PROS1: variants seen among roughly 807,000 people sequenced by gnomAD.
The protein encoded by PROS1 is vitamin K-dependent protein S.
Under a neutral mutation model 75.9 loss-of-function variants are expected in PROS1, and 29 were observed. That is an observed-to-expected ratio of 0.38 (90% CI 0.28 to 0.52). The LOEUF (loss-of-function observed/expected upper bound fraction) is 0.52, where lower values mean the gene tolerates loss of function less well. PROS1 is among the 20% of genes least tolerant of loss of function. PROS1 has a pLI of 0.83. For synonymous variants in PROS1, 245 were observed against 280.6 expected (o/e 0.87, Z 1.27); for missense variants, 680 against 810.3 (o/e 0.84, Z 1.95).
chr3:93,967,082 C>T (rs954785801), intron 1 of PROS1, among the ~76,000 whole-genome samples: 42 of 152,176 alleles, frequency 2.8e-4, no homozygotes, highest in African/African-American at 8.0e-4. Context: ...AGGATGGAGG[C>T]TACACATTGG....
At chr3:93,889,922 G>A (rs940828189) in intron 10 of PROS1, among the ~76,000 whole-genome samples, 2 of 152,084 alleles carry the variant, frequency 1.3e-5, no homozygotes, top group South Asian at 2.1e-4. Context: ...CAACCATAAG[G>A]TCTGACTGCG....
At chr3:93,932,977 T>A (rs1475272715) in intron 1 of PROS1, among the ~76,000 whole-genome samples, 1 of 152,218 alleles carries the variant, frequency 6.6e-6, no homozygotes, top group Non-Finnish European at 1.5e-5. Flanking sequence ...AAGATGGTTC[T>A]CACATTCTTC....
At chr3:93,898,049 A>G (rs1022270854) in intron 8 of PROS1, among the ~76,000 whole-genome samples, 6 of 152,080 alleles carry the variant, frequency 3.9e-5, no homozygotes, top group African/African-American at 1.2e-4. Flanking sequence ...GGCATGATCA[A>G]ACTAGTCAGA....
chr3:93,877,322 A>G, intron 13 of PROS1, 131 bp from the exon 14 acceptor site: 1 of 603,612 alleles, frequency 1.7e-6, no homozygotes, highest in Non-Finnish European at 2.9e-6. Flanking sequence ...GAGCCTCTAA[A>G]TTTAAGGGAA....
chr3:93,946,146 A>T (rs1709392822), intron 1 of PROS1, among the ~76,000 whole-genome samples: 1 of 152,204 alleles, frequency 6.6e-6, no homozygotes, highest in African/African-American at 2.4e-5. Flanking sequence ...CTCCTCAATG[A>T]AATAAAAGAG....
At chr3:93,949,826 C>G (rs1430016180) in intron 1 of PROS1, among the ~76,000 whole-genome samples, 1 of 152,140 alleles carries the variant, frequency 6.6e-6, no homozygotes, top group East Asian at 1.9e-4. Flanking sequence ...GTTCATGTCA[C>G]TGGGACTTGT....
chr3:93,904,096 G>T (rs1166566312), intron 6 of PROS1, among the ~76,000 whole-genome samples: 1 of 151,542 alleles, frequency 6.6e-6, no homozygotes, highest in African/African-American at 2.4e-5. Flanking sequence ...ATAGTTTACT[G>T]AGAATGATGA....
chr3:93,893,719 T>C (rs1244798920), intron 9 of PROS1, among the ~76,000 whole-genome samples: 1 of 152,172 alleles, frequency 6.6e-6, no homozygotes, highest in Non-Finnish European at 1.5e-5. Context: ...CCTTCATGTG[T>C]GGTAAGAAAG....
At chr3:93,889,970 T>G (rs1321253943) in intron 10 of PROS1, among the ~76,000 whole-genome samples, 1 of 152,146 alleles carries the variant, frequency 6.6e-6, no homozygotes, top group Non-Finnish European at 1.5e-5. Flanking sequence ...TTTTTCTTCT[T>G]GCAGAGAGCC....
intron 4 of PROS1, among the ~76,000 whole-genome samples, chr3:93,906,352 G>C (rs1708675260): frequency 6.6e-6 from 1 of 152,218 alleles, no homozygotes; most frequent in South Asian, 2.1e-4. Context: ...ACAGATGGCA[G>C]CAGTGGCCCA....
chr3:93,907,071 TG>T (rs766818006), intron 4 of PROS1, among the ~76,000 whole-genome samples: 3 of 152,162 alleles, frequency 2.0e-5, no homozygotes, highest in Non-Finnish European at 4.4e-5. Flanking sequence ...AGGTCCCCTG[TG>T]AAGTCCCACC....
intron 10 of PROS1, among the ~76,000 whole-genome samples, chr3:93,890,671 C>T (rs576833716): frequency 9.2e-5 from 14 of 152,208 alleles, no homozygotes; most frequent in Middle Eastern, 3.4e-3. Flanking sequence ...CAGGTTTCCC[C>T]GATATGCTAT....
At chr3:93,918,295 G>C (rs974038744) in intron 3 of PROS1, among the ~76,000 whole-genome samples, 1 of 152,020 alleles carries the variant, frequency 6.6e-6, no homozygotes. Context: ...CAGACCACTC[G>C]CTCTATCAAT....
intron 1 of PROS1, among the ~76,000 whole-genome samples, chr3:93,944,563 C>T (rs1179589854): frequency 1.3e-5 from 2 of 152,036 alleles, no homozygotes; most frequent in Admixed American, 6.6e-5. Context: ...CTACTGGGTA[C>T]ATAACGAAAT....
At chr3:93,935,052 A>G (rs115634235) in intron 1 of PROS1, among the ~76,000 whole-genome samples, 89 of 152,320 alleles carry the variant, frequency 5.8e-4, no homozygotes, top group African/African-American at 2.1e-3. Flanking sequence ...CTTTACTCGA[A>G]TGATAGAATA....
chr3:93,927,177 T>G, intron 2 of PROS1, 73 bp downstream of exon 2: 1 of 1,572,750 alleles, frequency 6.4e-7, no homozygotes, highest in Admixed American at 1.7e-5. Context: ...CAGAAGGAAG[T>G]ACAGGCTGGA....
chr3:93,889,221 T>A (rs759679871), intron 10 of PROS1, among the ~76,000 whole-genome samples: 1 of 152,230 alleles, frequency 6.6e-6, no homozygotes, highest in Non-Finnish European at 1.5e-5. Context: ...TCTTTTTCCT[T>A]ATAACATGAA....
chr3:93,961,736 T>C (rs1178878614), intron 1 of PROS1, among the ~76,000 whole-genome samples: 2 of 152,218 alleles, frequency 1.3e-5, no homozygotes, highest in Non-Finnish European at 1.5e-5. Context: ...AATGTGGTAA[T>C]ATTGCTGCTT....
At chr3:93,893,177 G>T in intron 9 of PROS1, 55 bp from the exon 10 acceptor site, 1 of 1,459,076 alleles carries the variant, frequency 6.9e-7, no homozygotes, top group Non-Finnish European at 9.5e-7. Context: ...AAAGCTCAAT[G>T]CATTATTCTT....
Sources: gnomAD v4.1 joint callset for allele counts (sites outside exome capture counted in the v4.1 genomes callset) on GRCh38, gnomAD v4.1.1 for gene constraint, MANE v1.5 for transcripts, NCBI Gene and HGNC (gene_info 2026-07-23, HGNC 2026-07-21) for gene names.